IFFO2: variants seen among roughly 807,000 people sequenced by gnomAD.
IFFO2 encodes the protein intermediate filament family orphan 2.
Under a neutral mutation model 53.5 loss-of-function variants are expected in IFFO2, and 19 were observed. The observed-to-expected ratio is 0.36, with a 90% CI of 0.25 to 0.52. The LOEUF (loss-of-function observed/expected upper bound fraction) is 0.52. Ranked by LOEUF, IFFO2 falls within the 20% of genes least tolerant of loss-of-function variation. IFFO2 has a pLI of 0.94. For missense variants in IFFO2, 570 were observed against 727.4 expected (o/e 0.78, Z 2.49); for synonymous variants, 303 against 313.6 (o/e 0.97, Z 0.36).
chr1:18,917,330 G>A lies in IFFO2; in HGVS notation c.964-288C>T, dbSNP rs1433460106. Among the ~76,000 whole-genome samples the A allele has an allele frequency of 1.3e-5, 2 of 152,172 alleles. No homozygotes were observed. Among genetic ancestry groups the A allele is most frequent in the African/African-American group, 4.8e-5 (2 of 41,424 alleles). On this transcript the variant is annotated intron_variant, in intron 4 of 8. Transcript: ENST00000455833. The surrounding 1 kb of genome is among the most constrained non-coding windows in gnomAD (Gnocchi z 5.9). ...TACCACAGAAGCAGCCCCACAGTTT[G>A]GGGAGAGGAGCAGGCCAGACCGGGA...
chr1:18,915,550 G>A (rs890725041), intron 5 of IFFO2, among the ~76,000 whole-genome samples: 6 of 152,072 alleles, frequency 3.9e-5, no homozygotes, highest in African/African-American at 9.7e-5. Flanking sequence ...TACTGACAGC[G>A]TACTAGCGTG....
At chr1:18,952,913 T>C (rs1023604081) in intron 1 of IFFO2, among the ~76,000 whole-genome samples, 3 of 152,246 alleles carry the variant, frequency 2.0e-5, no homozygotes, top group Non-Finnish European at 4.4e-5. Flanking sequence ...CGGTAGTACA[T>C]GGATGTGGCC....
At position 18,910,328 on chromosome 1, in the gene IFFO2, G is replaced by C; in HGVS notation, c.1448+14C>G. The C allele has an allele frequency of 6.3e-7, 1 of 1,595,302 alleles. No individual in the cohort carries two copies. The highest frequency in any genetic ancestry group is 8.5e-7 in the Non-Finnish European group (1 of 1,171,066). ...GATGCCATAGCTGAATCCCCTGGGA[G>C]GATGGGCGGGTACCTGTCTGCGGAG... On this transcript the variant is annotated intron_variant, in intron 8 of 8. Coordinates refer to ENST00000455833, the MANE Select transcript of IFFO2 (RefSeq NM_001136265.2).
At position 18,936,779 on chromosome 1, in the gene IFFO2, G is replaced by A. The variant is rs560292797; in HGVS notation, c.666-15658C>T. Among the ~76,000 whole-genome samples, 4 of 152,192 alleles carry A rather than the reference G, an allele frequency of 2.6e-5. No homozygotes were observed. The highest frequency in any genetic ancestry group is 2.6e-4 in the Admixed American group (4 of 15,282). On this transcript the variant is annotated intron_variant, in intron 1 of 8. Transcript: ENST00000455833. The surrounding 1 kb of genome is among the most constrained non-coding windows in gnomAD (Gnocchi z 4.5). ...TGCAGCCTGAAAAAATGAGGGGCTG[G>A]CAGCCAGGCAGAGCCCACCAGGCAA...
At chr1:18,945,358 C>T (rs866293121) in intron 1 of IFFO2, among the ~76,000 whole-genome samples, 3 of 152,124 alleles carry the variant, frequency 2.0e-5, no homozygotes, top group African/African-American at 4.8e-5. Context: ...AGGAGCAAAA[C>T]GGGGGTGCCA....
chr1:18,921,396 G>A (rs1003180295), intron 1 of IFFO2, among the ~76,000 whole-genome samples: 2 of 152,240 alleles, frequency 1.3e-5, no homozygotes, highest in Admixed American at 1.3e-4. Context: ...AGAGGTGGGA[G>A]GGACCACCAC....
Position 18,918,362 on chromosome 1 carries a change from C to G in IFFO2, c.963G>C (p.Gln321His). The G allele has an allele frequency of 6.4e-7, 1 of 1,551,108 alleles. No homozygotes were observed. Among genetic ancestry groups the G allele is most frequent in the Non-Finnish European group, 8.7e-7 (1 of 1,146,416 alleles). The change falls in exon 4 of 9, where the codon CAG becomes CAC. Residue 321 changes from glutamine to histidine, a missense_variant and splice_region_variant. By Grantham distance (24) the Gln-to-His change is conservative. Transcript: ENST00000455833. This position sits in a 1 kb window ranked among gnomAD's most constrained non-coding sequence, Gnocchi z 5.2. ...TGGTGAGCAGGGCAGCCCTAGTCACCTGGAAGATCTTGGACACGTCTTCTG... is the reference window on the plus strand; with the variant it reads ...TGGTGAGCAGGGCAGCCCTAGTCACGTGGAAGATCTTGGACACGTCTTCTG... ...RNSEDVSKIF[Q>H]VVPKKKERKV...
chr1:18,922,809 G>T (rs1366504569), intron 1 of IFFO2, among the ~76,000 whole-genome samples: 1 of 152,072 alleles, frequency 6.6e-6, no homozygotes, highest in African/African-American at 2.4e-5. Context: ...AAGCCGAGTG[G>T]TCAAGCCATT....
chr1:18,918,019 G>A lies in IFFO2; in HGVS notation c.963+343C>T, dbSNP rs567557931. On this transcript the variant is annotated intron_variant, in intron 4 of 8. Transcript: ENST00000455833. This position sits in a 1 kb window ranked among gnomAD's most constrained non-coding sequence, Gnocchi z 5.2. Reference sequence around the variant, plus strand: ...TGCCCAGTTCTGGCACCCAGAGGAAGGGGCAGGAAGCGGGACAATGGGTAC... The same window carrying A: ...TGCCCAGTTCTGGCACCCAGAGGAAAGGGCAGGAAGCGGGACAATGGGTAC... 2.0e-5 allele frequency among the ~76,000 whole-genome samples: 3 copies of A among 152,344 alleles called. No homozygotes were observed. Among genetic ancestry groups the A allele is most frequent in the South Asian group, 2.1e-4 (1 of 4,828 alleles).
chr1:18,935,821 C>G (rs1181985699), intron 1 of IFFO2, among the ~76,000 whole-genome samples: 8 of 150,418 alleles, frequency 5.3e-5, no homozygotes, highest in African/African-American at 2.0e-4. Flanking sequence ...TCCCAAGTAG[C>G]TGGGATTATA....
chr1:18,935,648 C>T (rs1275536541), intron 1 of IFFO2, among the ~76,000 whole-genome samples: 1 of 151,970 alleles, frequency 6.6e-6, no homozygotes, highest in Non-Finnish European at 1.5e-5. Context: ...TTACTGATCC[C>T]CTGCTGGTCT....
intron 1 of IFFO2, among the ~76,000 whole-genome samples, chr1:18,949,857 T>C (rs1936637346): frequency 6.6e-6 from 1 of 152,220 alleles, no homozygotes; most frequent in African/African-American, 2.4e-5. Context: ...GGGACCCGCA[T>C]CCGGTCTCGT....
At chr1:18,912,118 G>A (rs1936049986) in intron 5 of IFFO2, 35 bp from the exon 6 acceptor site, 1 of 1,551,000 alleles carries the variant, frequency 6.4e-7, no homozygotes, top group African/African-American at 1.4e-5. Context: ...TGACTGAACA[G>A]AAGGCAGGCT....
intron 1 of IFFO2, among the ~76,000 whole-genome samples, chr1:18,925,544 G>A (rs534047633): frequency 2.6e-5 from 4 of 152,272 alleles, no homozygotes; most frequent in African/African-American, 9.6e-5. Flanking sequence ...GAGGTCTCAG[G>A]CACAGAGATG....
At chr1:18,927,548 A>T (rs1287814265) in intron 1 of IFFO2, among the ~76,000 whole-genome samples, 2 of 151,354 alleles carry the variant, frequency 1.3e-5, no homozygotes, top group Non-Finnish European at 2.9e-5. Flanking sequence ...GGCTGCTCAA[A>T]CCACAGATTT....
chr1:18,911,484 A>T lies in IFFO2; in HGVS notation c.1225-8T>A. On this transcript the variant is annotated splice_region_variant and splice_polypyrimidine_tract_variant and intron_variant, in intron 6 of 8. Transcript: ENST00000455833. ...GCCCAAGTTTTCCTCTTGCTGGGGA[A>T]ATAGAACAAACGGGACAGTTTATTT... 1.4e-6 allele frequency: 2 copies of T among 1,390,706 alleles called. No homozygotes were observed. Among genetic ancestry groups the T allele is most frequent in the African/African-American group, 2.9e-5 (2 of 68,176 alleles). 86.1% of individuals were successfully genotyped at this position (1,390,706 alleles called of 1,614,324 possible).
intron 1 of IFFO2, among the ~76,000 whole-genome samples, chr1:18,953,476 G>A (rs780802803): frequency 6.6e-6 from 1 of 152,070 alleles, no homozygotes; most frequent in Non-Finnish European, 1.5e-5. Flanking sequence ...ACGTCTTAAT[G>A]TTCTTTTAAA....
At chr1:18,946,041 G>A (rs1022559690) in intron 1 of IFFO2, among the ~76,000 whole-genome samples, 3 of 152,164 alleles carry the variant, frequency 2.0e-5, no homozygotes, top group African/African-American at 7.2e-5. Flanking sequence ...TCCCGTCCCA[G>A]GATCTAGGGG....
chr1:18,932,934 G>T (rs1199347004), intron 1 of IFFO2, among the ~76,000 whole-genome samples: 1 of 152,236 alleles, frequency 6.6e-6, no homozygotes, highest in East Asian at 1.9e-4. Flanking sequence ...TCATGAGCGA[G>T]CGTTGGGTGT....
Sources: allele counts gnomAD v4.1 joint callset (sites outside exome capture counted in the v4.1 genomes callset), GRCh38; gene constraint gnomAD v4.1.1; non-coding constraint Gnocchi (gnomAD v3.1); transcripts MANE v1.5; gene names NCBI Gene and HGNC (gene_info 2026-07-23, HGNC 2026-07-21).